OGN: variants seen among roughly 807,000 people sequenced by gnomAD.
The protein encoded by OGN is mimecan.
In OGN, 19 loss-of-function variants were observed where a neutral mutation model predicts 30.8. The ratio of observed to expected loss-of-function variants is 0.62; its 90% CI spans 0.43 to 0.90. OGN has a LOEUF of 0.90. Among genes scored for constraint, OGN ranks in the 40% least tolerant of loss-of-function variants. OGN has a pLI of 0.00. For missense variants in OGN, 283 were observed against 349.7 expected (o/e 0.81, Z 1.52); for synonymous variants, 126 against 128.3 (o/e 0.98, Z 0.12).
In OGN at chr9:92,385,446, T is replaced by A; in HGVS notation, c.*174A>T. ...CTTTGTTTCGAACGTAGACATTCAG[T>A]CTTACTTTTTACTTATTATATGTAA... On this transcript the variant is annotated 3_prime_UTR_variant, in exon 7 of 7. Transcript: ENST00000375561. The A allele has an allele frequency of 1.7e-6, 1 of 573,814 alleles. No individual in the cohort carries two copies. The highest frequency in any genetic ancestry group is 3.0e-6 in the Non-Finnish European group (1 of 330,784). The allele number at this position is 573,814 out of a possible 1,614,324, so 35.5% of individuals were successfully genotyped here.
At chr9:92,398,399 C>T (rs748404544) in intron 3 of OGN, among the ~76,000 whole-genome samples, 40 of 152,248 alleles carry the variant, frequency 2.6e-4, no homozygotes, top group African/African-American at 8.4e-4. Flanking sequence ...AAAGTATATA[C>T]GCAGAGAACT....
At chr9:92,388,994 T>A (rs1842556500) in intron 5 of OGN, among the ~76,000 whole-genome samples, 1 of 152,026 alleles carries the variant, frequency 6.6e-6, no homozygotes, top group African/African-American at 2.4e-5. Flanking sequence ...AATGAAAAAA[T>A]GGACTATTTG....
chr9:92,396,143 T>C (rs1842882806), intron 3 of OGN, among the ~76,000 whole-genome samples: 2 of 152,200 alleles, frequency 1.3e-5, no homozygotes, highest in Non-Finnish European at 2.9e-5. Flanking sequence ...TTGAATTGTA[T>C]TGTCACATTG....
chr9:92,403,439 T>C lies in OGN; in HGVS notation c.-32A>G, dbSNP rs765374914. 2.5e-6 allele frequency: 4 copies of C among 1,586,378 alleles called. No homozygotes were observed. The highest frequency in any genetic ancestry group is 3.4e-6 in the Non-Finnish European group (4 of 1,168,434). On this transcript the variant is annotated 5_prime_UTR_variant, in exon 2 of 7. Transcript: ENST00000375561. ...AAAAATCAAGGTGACTGGAAGTTAATAAACTAGTGGCCTGCTGACTGTGGG... is the reference window on the plus strand; with the variant it reads ...AAAAATCAAGGTGACTGGAAGTTAACAAACTAGTGGCCTGCTGACTGTGGG...
chr9:92,389,114 A>C (rs937978770), intron 5 of OGN, among the ~76,000 whole-genome samples: 1 of 152,186 alleles, frequency 6.6e-6, no homozygotes, highest in Non-Finnish European at 1.5e-5. Context: ...CTTTAGAAGC[A>C]AGAAACCTTG....
In OGN at chr9:92,389,937, G is replaced by A. The variant is rs1463369229; in HGVS notation, c.547C>T (p.Pro183Ser). 3.1e-6 allele frequency: 5 copies of A among 1,612,930 alleles called. No individual in the cohort carries two copies. The highest frequency in any genetic ancestry group is 1.7e-5 in the Admixed American group (1 of 59,970). The change falls in exon 5 of 7, where the codon CCA (proline) becomes TCA (serine). Residue 183 changes from proline to serine, a missense_variant. Physicochemically the swap from Pro to Ser is moderately conservative, Grantham distance 74 (BLOSUM62 -1). Transcript: ENST00000375561. ...SLAENQLLKL[P>S]VLPPKLTLFN... ...AAAGTGAGCTTGGGAGGAAGAACTG[G>A]AAGTTTTAGTAGTTGATTTTCAGCA...
intron 3 of OGN, among the ~76,000 whole-genome samples, chr9:92,393,786 C>CT (rs929610840): frequency 1.4e-3 from 207 of 148,402 alleles, no homozygotes; most frequent in African/African-American, 3.6e-3. Flanking sequence ...AAGTGTAGAG[C>CT]TTTTTTTTTT....
At chr9:92,392,681 A>G (rs908987621) in intron 4 of OGN, among the ~76,000 whole-genome samples, 1 of 152,170 alleles carries the variant, frequency 6.6e-6, no homozygotes, top group African/African-American at 2.4e-5. Context: ...AGCCAGGTTT[A>G]AGAGCCATTA....
intron 4 of OGN, 59 bp from the exon 5 acceptor site, chr9:92,390,115 G>C: frequency 1.0e-6 from 1 of 967,794 alleles, no homozygotes; most frequent in South Asian, 1.5e-5. Context: ...TGTATGGACT[G>C]AAGAAAAGCA....
In OGN at chr9:92,403,458, C is replaced by T. The variant is rs758357906; in HGVS notation, c.-51G>A. ...AGTTAATAAACTAGTGGCCTGCTGACTGTGGGACAAAACTCTCTTTTTCCC... is the reference window on the plus strand; with the variant it reads ...AGTTAATAAACTAGTGGCCTGCTGATTGTGGGACAAAACTCTCTTTTTCCC... On this transcript the variant is annotated 5_prime_UTR_variant, in exon 2 of 7. Transcript: ENST00000375561. 28 of 1,546,374 alleles carry T rather than the reference C, an allele frequency of 1.8e-5. No individual in the cohort carries two copies. The highest frequency in any genetic ancestry group is 2.3e-5 in the Non-Finnish European group (27 of 1,149,894).
At position 92,404,524 on chromosome 9, in the gene OGN, G is replaced by A. The variant is rs761073661; in HGVS notation, c.-104C>T. On this transcript the variant is annotated 5_prime_UTR_variant, in exon 1 of 7. Coordinates refer to ENST00000375561, the MANE Select transcript of OGN (RefSeq NM_014057.5). ...TGTAGCTGTTTTGAAGTTTTTTGTG[G>A]TTTTCCTCAATAGATGTTCATGTCT... 7.7e-7 allele frequency: 1 copy of A among 1,297,214 alleles called. No homozygotes were observed. The highest frequency in any genetic ancestry group is 1.3e-5 in the South Asian group (1 of 77,238). 80.4% of individuals were successfully genotyped at this position (1,297,214 alleles called of 1,614,324 possible). A position where few individuals can be genotyped will look rare whatever the true frequency, so the allele number is the denominator to read the frequency against.
chr9:92,398,212 T>C (rs2130918775), intron 3 of OGN, among the ~76,000 whole-genome samples: 1 of 152,350 alleles, frequency 6.6e-6, no homozygotes, highest in East Asian at 1.9e-4. Context: ...AACAGTTACT[T>C]AGAGTTTTTT....
intron 3 of OGN, among the ~76,000 whole-genome samples, chr9:92,399,922 G>A (rs1236361219): frequency 1.3e-5 from 2 of 152,058 alleles, no homozygotes; most frequent in Non-Finnish European, 1.5e-5. Flanking sequence ...ATATTTTAAT[G>A]TGTAGTACAT....
intron 5 of OGN, among the ~76,000 whole-genome samples, chr9:92,388,436 A>G (rs1842526450): frequency 6.6e-6 from 1 of 152,054 alleles, no homozygotes; most frequent in Admixed American, 6.5e-5. Context: ...TGCTGGGATT[A>G]TAGGCGTGAG....
chr9:92,403,580 C>G, intron 1 of OGN, 98 bp from the exon 2 acceptor site: 3 of 1,236,560 alleles, frequency 2.4e-6, no homozygotes, highest in Non-Finnish European at 3.0e-6. Context: ...AGTATTTAAC[C>G]CTTAGTGATC....
chr9:92,389,035 A>G (rs1258756216), intron 5 of OGN, among the ~76,000 whole-genome samples: 1 of 152,126 alleles, frequency 6.6e-6, no homozygotes, highest in Non-Finnish European at 1.5e-5. Context: ...ACATTTTTTG[A>G]CAGAATTTAC....
At chr9:92,396,322 A>C (rs1842887942) in intron 3 of OGN, among the ~76,000 whole-genome samples, 1 of 151,920 alleles carries the variant, frequency 6.6e-6, no homozygotes, top group Non-Finnish European at 1.5e-5. Flanking sequence ...ATGTTGTTAG[A>C]CTATTCTAGG....
intron 3 of OGN, among the ~76,000 whole-genome samples, chr9:92,396,336 T>C (rs1842888350): frequency 6.6e-6 from 1 of 151,994 alleles, no homozygotes; most frequent in African/African-American, 2.4e-5. Flanking sequence ...TTCTAGGTCC[T>C]TTATATTTTT....
chr9:92,392,544 G>A (rs1029791707), intron 4 of OGN, among the ~76,000 whole-genome samples: 32 of 151,730 alleles, frequency 2.1e-4, no homozygotes, highest in African/African-American at 7.0e-4. Flanking sequence ...AAACCTGGGA[G>A]ACAGAGGTTG....
Sources: gnomAD v4.1 joint callset for allele counts (sites outside exome capture counted in the v4.1 genomes callset) on GRCh38, gnomAD v4.1.1 for gene constraint, MANE v1.5 for transcripts, NCBI Gene and HGNC (gene_info 2026-07-23, HGNC 2026-07-21) for gene names.